The following JDP2 variants were observed in gnomAD, a reference collection of about 807,000 sequenced individuals.
JDP2 encodes progesterone receptor co-activator.
Under a neutral mutation model 17.1 loss-of-function variants are expected in JDP2, and 9 were observed. That is an observed-to-expected ratio of 0.53 (90% CI 0.32 to 0.92). The LOEUF (loss-of-function observed/expected upper bound fraction) is 0.92. JDP2 is among the 40% of genes least tolerant of loss of function. The probability of loss-of-function intolerance (pLI) is 0.04; values close to 1 mark genes in which losing one functional copy is unlikely to be tolerated. For missense variants in JDP2, 179 were observed against 220.0 expected (o/e 0.81, Z 1.18); for synonymous variants, 107 against 95.6 (o/e 1.12, Z -0.69).
chr14:75,460,100 G>A (rs529888997), intron 2 of JDP2, among the ~76,000 whole-genome samples: 1 of 152,314 alleles, frequency 6.6e-6, no homozygotes, highest in East Asian at 1.9e-4. Flanking sequence ...GCAACAAATG[G>A]CACCTCTTGT....
At chr14:75,453,093 T>G (rs1885940345) in intron 2 of JDP2, among the ~76,000 whole-genome samples, 1 of 142,692 alleles carries the variant, frequency 7.0e-6, no homozygotes, top group African/African-American at 2.7e-5. Flanking sequence ...CCTCCTGGAG[T>G]GGGAGGAGGC....
chr14:75,444,629 CT>C lies in JDP2; in HGVS notation c.201+6509del, dbSNP rs767866659. Among the ~76,000 whole-genome samples the C allele has an allele frequency of 7.2e-5, 11 of 152,222 alleles. 1 individual carries two copies. In the East Asian group the frequency reaches 1.9e-3, roughly 27 times the overall value. On this transcript the variant is annotated intron_variant, in intron 2 of 3. Transcript: ENST00000651602. Reference sequence around the variant, plus strand: ...AAAGTAGTACAGTTTCCTGCACATACTGCACATGGTGACTGGATCCACATCC... The same window carrying C: ...AAAGTAGTACAGTTTCCTGCACATACGCACATGGTGACTGGATCCACATCC...
At chr14:75,466,763 C>T (rs1215347857) in intron 3 of JDP2, among the ~76,000 whole-genome samples, 1 of 152,158 alleles carries the variant, frequency 6.6e-6, no homozygotes, top group Non-Finnish European at 1.5e-5. Context: ...TCCTCCTTTT[C>T]CTTCCCACCG....
In JDP2 at chr14:75,442,590, C is replaced by G. The variant is rs917132820; in HGVS notation, c.201+4469C>G. ...TCTACCTCCCAATTCTTATCTCCAGCCATTGTTCATTAGGTTTTGCTATTT... is the reference window on the plus strand; with the variant it reads ...TCTACCTCCCAATTCTTATCTCCAGGCATTGTTCATTAGGTTTTGCTATTT... On this transcript the variant is annotated intron_variant, in intron 2 of 3. Transcript: ENST00000651602. Among the ~76,000 whole-genome samples, 3 of 152,334 alleles carry G rather than the reference C, an allele frequency of 2.0e-5. No individual in the cohort carries two copies. In the East Asian group the frequency reaches 5.8e-4, roughly 29 times the overall value.
chr14:75,467,801 G>A (rs962656163), intron 3 of JDP2, among the ~76,000 whole-genome samples: 1 of 152,068 alleles, frequency 6.6e-6, no homozygotes, highest in Non-Finnish European at 1.5e-5. Context: ...CAGCTTCCCA[G>A]TCACGTCCCA....
rs1343366392 is a variant in JDP2 at position 75,472,272 on chromosome 14, A to G, written c.*2797A>G. ...ATGAGAAAACCGAGGCACACAGAAG[A>G]GGTAACCTGCCCAAGGTCACAGGTG... On this transcript the variant is annotated 3_prime_UTR_variant, in exon 4 of 4. Transcript: ENST00000651602. 1 of 152,248 alleles carries G rather than the reference A, an allele frequency of 6.6e-6. No homozygotes were observed. Among genetic ancestry groups the G allele is most frequent in the African/African-American group, 2.4e-5 (1 of 41,452 alleles). 9.4% of individuals were successfully genotyped at this position (152,248 alleles called of 1,614,324 possible).
intron 2 of JDP2, among the ~76,000 whole-genome samples, chr14:75,455,087 T>C (rs917799733): frequency 6.6e-6 from 1 of 152,196 alleles, no homozygotes; most frequent in Non-Finnish European, 1.5e-5. Context: ...ACCTGCTAAA[T>C]GGACTGTGTG....
rs922053086 is a variant in JDP2 at position 75,469,770 on chromosome 14, A to G, written c.*295A>G. On this transcript the variant is annotated 3_prime_UTR_variant, in exon 4 of 4. Transcript: ENST00000651602. ...GAGGCAGGACAGAGGCACCGAGGCC[A>G]GGGAGACGCCCAACGAGGCAGCCCT... The G allele has an allele frequency of 6.1e-6, 2 of 326,074 alleles. No homozygotes were observed. Among genetic ancestry groups the G allele is most frequent in the Non-Finnish European group, 1.1e-5 (2 of 175,118 alleles). 20.2% of individuals were successfully genotyped at this position (326,074 alleles called of 1,614,324 possible).
chr14:75,435,993 T>G (rs1885047563), intron 1 of JDP2, among the ~76,000 whole-genome samples: 1 of 152,172 alleles, frequency 6.6e-6, no homozygotes. Context: ...GGCACCTCGC[T>G]TTAGACACCT....
chr14:75,469,966 G>A lies in JDP2; in HGVS notation c.*491G>A, dbSNP rs572068578. The stretch of plus-strand genomic sequence containing the variant: ...CCCTGATGCGAAGCTGGAGAGGGGC[G>A]TGCTGCGGGGCCCTGATGCCCCCAC... On this transcript the variant is annotated 3_prime_UTR_variant, in exon 4 of 4. Transcript: ENST00000651602. 1.9e-4 allele frequency: 30 copies of A among 153,864 alleles called. No individual in the cohort carries two copies. In the South Asian group the frequency reaches 5.3e-3, roughly 27 times the overall value. The allele number at this position is 153,864 out of a possible 1,614,324, so 9.5% of individuals were successfully genotyped here. A position where few individuals can be genotyped will look rare whatever the true frequency, so the allele number is the denominator to read the frequency against.
chr14:75,466,147 T>C (rs998563016), intron 3 of JDP2, among the ~76,000 whole-genome samples: 2 of 152,166 alleles, frequency 1.3e-5, no homozygotes, highest in African/African-American at 2.4e-5. Flanking sequence ...AAAAGGCAGT[T>C]AGTTACATTC....
chr14:75,467,170 C>T (rs1010765130), intron 3 of JDP2, among the ~76,000 whole-genome samples: 9 of 152,184 alleles, frequency 5.9e-5, no homozygotes, highest in South Asian at 4.1e-4. Context: ...AGTCCTAAAG[C>T]GAGCTATGAT....
Position 75,469,346 on chromosome 14 carries a change from G to A in JDP2, c.363G>A (p.Leu121=), listed in dbSNP as rs145604845. Reference sequence around the variant, plus strand: ...AGCTGAAGACCCAGATTGAGGAGCTGAAGCAGGAGCGGCAGCAGCTCATCC... The same window carrying A: ...AGCTGAAGACCCAGATTGAGGAGCTAAAGCAGGAGCGGCAGCAGCTCATCC... ...NAELKTQIEE[L]KQERQQLILM... is the part of the protein sequence containing the mutation. Residue 121 remains leucine, a synonymous_variant, in exon 4 of 4, where the codon CTG becomes CTA. Coordinates refer to ENST00000651602, the MANE Select transcript of JDP2 (RefSeq NM_001135048.2). 270 of 1,614,198 alleles carry A rather than the reference G, an allele frequency of 1.7e-4. No homozygotes were observed. In the African/African-American group the frequency reaches 3.3e-3, roughly 20 times the overall value.
intron 2 of JDP2, among the ~76,000 whole-genome samples, chr14:75,448,538 C>T (rs2139970950): frequency 6.6e-6 from 1 of 152,306 alleles, no homozygotes; most frequent in South Asian, 2.1e-4. Flanking sequence ...GATGGATCCA[C>T]CTGCCATTGG....
intron 2 of JDP2, among the ~76,000 whole-genome samples, chr14:75,448,946 T>C (rs907085869): frequency 6.6e-6 from 1 of 152,128 alleles, no homozygotes; most frequent in African/African-American, 2.4e-5. Flanking sequence ...ATTGCATCCA[T>C]CTCCTTAAAT....
intron 2 of JDP2, among the ~76,000 whole-genome samples, chr14:75,452,188 C>G (rs1028651135): frequency 1.3e-5 from 2 of 152,230 alleles, no homozygotes; most frequent in Admixed American, 6.5e-5. Context: ...GAAGTCAGAG[C>G]TGGAAAGGAC....
intron 2 of JDP2, among the ~76,000 whole-genome samples, chr14:75,459,670 C>T (rs369738844): frequency 6.6e-6 from 1 of 152,240 alleles, no homozygotes; most frequent in Admixed American, 6.5e-5. Flanking sequence ...AGTCACCCCC[C>T]ACACCCTCCT....
intron 3 of JDP2, among the ~76,000 whole-genome samples, chr14:75,462,442 A>C (rs1021316269): frequency 1.3e-5 from 2 of 152,234 alleles, no homozygotes; most frequent in South Asian, 2.1e-4. Context: ...TGCTGTATGT[A>C]CATTATCTCA....
Position 75,433,195 on chromosome 14 carries a change from C to CAA in JDP2, c.-23-4675_-23-4674dup, listed in dbSNP as rs780191475. On this transcript the variant is annotated intron_variant, in intron 1 of 3. Transcript: ENST00000651602. ...GGGCAACAAGAGTGAAACTCCGTCT[C>CAA]AAAAAAAAAAAAAAAAAAAAAAAAA... is the stretch of plus-strand genomic sequence containing the variant. Among the ~76,000 whole-genome samples, 160 of 19,388 alleles carry CAA rather than the reference C, an allele frequency of 8.3e-3. 19 individuals are homozygous for CAA. The highest frequency in any genetic ancestry group is 0.023 in the African/African-American group (140 of 6,160). 12.7% of individuals were successfully genotyped at this position (19,388 alleles called of 152,430 possible). A position where few individuals can be genotyped will look rare whatever the true frequency, so the allele number is the denominator to read the frequency against.
Sources: allele counts gnomAD v4.1 joint callset (sites outside exome capture counted in the v4.1 genomes callset), GRCh38; gene constraint gnomAD v4.1.1; transcripts MANE v1.5; gene names NCBI Gene and HGNC (gene_info 2026-07-23, HGNC 2026-07-21).